ABCA13: variants seen among roughly 807,000 people sequenced by gnomAD.
ABCA13 encodes ATP-binding cassette sub-family A member 13.
In ABCA13, 476 loss-of-function variants were observed where a neutral mutation model predicts 478.7. The observed-to-expected ratio is 0.99, with a 90% CI of 0.92 to 1.07. The LOEUF (loss-of-function observed/expected upper bound fraction) is 1.07. ABCA13 is among the 50% of genes least tolerant of loss of function. The probability of loss-of-function intolerance (pLI) is 0.00; values close to 1 mark genes in which losing one functional copy is unlikely to be tolerated. For synonymous variants in ABCA13, 2,252 were observed against 2,158.9 expected, an observed-to-expected ratio of 1.04 and a Z score of -1.20; for missense variants, 6,060 against 5,910.6, an observed-to-expected ratio of 1.03 and a Z score of -0.83.
rs78760748 is a variant in ABCA13 at position 48,618,940 on chromosome 7, C to T, written c.14837+3563C>T. Among the ~76,000 whole-genome samples, 1,449 of 152,278 alleles carry T rather than the reference C, an allele frequency of 9.5e-3. 18 individuals are homozygous for T. The highest frequency in any genetic ancestry group is 0.034 in the African/African-American group (1,399 of 41,552). ...CAGAGTCAGCAAGTCCCCACTTTTT[C>T]AAAGTATTAGAATACAGAAGATAAT... On this transcript the variant is annotated intron_variant, in intron 59 of 61. Coordinates refer to ENST00000435803, the MANE Select transcript of ABCA13 (RefSeq NM_152701.5).
At position 48,350,586 on chromosome 7, in the gene ABCA13, G is replaced by T. The variant is rs1354849354; in HGVS notation, c.10205-57G>T. On this transcript the variant is annotated intron_variant, in intron 29 of 61. Transcript: ENST00000435803. ...TTTGCACAATCTCCACTATATGAGTGGTAAGCACTGGGGGGATACAGAAGT... is the reference window on the plus strand; with the variant it reads ...TTTGCACAATCTCCACTATATGAGTTGTAAGCACTGGGGGGATACAGAAGT... 4 of 1,455,014 alleles carry T rather than the reference G, an allele frequency of 2.7e-6. No homozygotes were observed. In the African/African-American group the frequency reaches 5.7e-5, roughly 21 times the overall value. 90.1% of individuals were successfully genotyped at this position (1,455,014 alleles called of 1,614,324 possible).
At chr7:48,558,161 C>G (rs1330102238) in intron 55 of ABCA13, among the ~76,000 whole-genome samples, 2 of 126,948 alleles carry the variant, frequency 1.6e-5, no homozygotes, top group Non-Finnish European at 3.3e-5. Flanking sequence ...ATCCCTCCCT[C>G]CCTCCCTCCC....
At chr7:48,184,646 C>G (rs1434394674) in intron 1 of ABCA13, among the ~76,000 whole-genome samples, 1 of 151,856 alleles carries the variant, frequency 6.6e-6, no homozygotes, top group African/African-American at 2.4e-5. Flanking sequence ...ATGGTGAAAC[C>G]CTATCTCTAC....
At chr7:48,293,483 C>T (rs971620158) in intron 20 of ABCA13, among the ~76,000 whole-genome samples, 1 of 152,140 alleles carries the variant, frequency 6.6e-6, no homozygotes, top group Admixed American at 6.5e-5. Flanking sequence ...CAACCTGGAA[C>T]TATGCTTCCA....
At chr7:48,417,558 G>C (rs1820190440) in intron 41 of ABCA13, among the ~76,000 whole-genome samples, 1 of 152,060 alleles carries the variant, frequency 6.6e-6, no homozygotes, top group Non-Finnish European at 1.5e-5. Flanking sequence ...TAGATTCTCA[G>C]CAAAATTGAG....
intron 55 of ABCA13, among the ~76,000 whole-genome samples, chr7:48,544,819 G>C (rs1229722413): frequency 1.3e-5 from 2 of 151,886 alleles, no homozygotes; most frequent in African/African-American, 4.8e-5. Context: ...ACAACCTGAG[G>C]CTTGTGACTG....
intron 9 of ABCA13, 39 bp from the exon 10 acceptor site, chr7:48,240,828 C>T: frequency 7.0e-7 from 1 of 1,434,200 alleles, no homozygotes; most frequent in South Asian, 1.8e-5. Flanking sequence ...TTCCAATTTG[C>T]TATTATTAAT....
At chr7:48,522,181 AG>A (rs1451886263) in intron 53 of ABCA13, among the ~76,000 whole-genome samples, 10 of 152,162 alleles carry the variant, frequency 6.6e-5, no homozygotes, top group African/African-American at 2.2e-4. Flanking sequence ...GCAAGAAAAT[AG>A]GGAGACCCTG....
chr7:48,172,538 G>A (rs1324360782), intron 1 of ABCA13, among the ~76,000 whole-genome samples: 1 of 152,130 alleles, frequency 6.6e-6, no homozygotes, highest in African/African-American at 2.4e-5. Context: ...GCTCACGCCT[G>A]TAATCCCAGC....
At chr7:48,587,435 A>G in intron 57 of ABCA13, 147 bp downstream of exon 57, 1 of 865,704 alleles carries the variant, frequency 1.2e-6, no homozygotes, top group Non-Finnish European at 1.6e-6. Context: ...ATAAGCCAGC[A>G]TTTCCCAAAT....
At chr7:48,182,248 C>A (rs186892706) in intron 1 of ABCA13, among the ~76,000 whole-genome samples, 1 of 152,158 alleles carries the variant, frequency 6.6e-6, no homozygotes, top group African/African-American at 2.4e-5. Context: ...TCTATCGATA[C>A]CCTAACGATT....
chr7:48,305,912 G>A lies in ABCA13; in HGVS notation c.9322-4035G>A, dbSNP rs2128869848. 2.0e-5 allele frequency among the ~76,000 whole-genome samples: 3 copies of A among 152,288 alleles called. No individual in the cohort carries two copies. The South Asian group carries it at 6.2e-4, about 32-fold the overall frequency. On this transcript the variant is annotated intron_variant, in intron 23 of 61. Coordinates refer to ENST00000435803, the MANE Select transcript of ABCA13 (RefSeq NM_152701.5). Reference sequence around the variant, plus strand: ...AAAATCAGCAGGAACTTGGCATTCTGTTTCTGATAATTTGCAGCATTAGCC... The same window carrying A: ...AAAATCAGCAGGAACTTGGCATTCTATTTCTGATAATTTGCAGCATTAGCC...
intron 43 of ABCA13, among the ~76,000 whole-genome samples, chr7:48,462,060 C>A (rs1360592797): frequency 1.3e-5 from 2 of 149,896 alleles, no homozygotes; most frequent in Non-Finnish European, 3.0e-5. Flanking sequence ...AAGGCTATGC[C>A]CCCTAAATTG....
intron 42 of ABCA13, among the ~76,000 whole-genome samples, chr7:48,434,811 C>A (rs944456309): frequency 6.6e-6 from 1 of 151,750 alleles, no homozygotes. Flanking sequence ...AACCAATTGA[C>A]CATATATGTG....
chr7:48,477,059 A>G (rs989716191), intron 45 of ABCA13, among the ~76,000 whole-genome samples: 1 of 152,224 alleles, frequency 6.6e-6, no homozygotes, highest in African/African-American at 2.4e-5. Context: ...CTGTAACTTA[A>G]TAACATCGTC....
intron 1 of ABCA13, among the ~76,000 whole-genome samples, chr7:48,190,100 T>G (rs1001381851): frequency 3.9e-5 from 6 of 152,200 alleles, no homozygotes; most frequent in Non-Finnish European, 7.4e-5. Context: ...TAGGTGCTAT[T>G]GAGAGTGCAA....
At chr7:48,372,852 C>T (rs866200062) in intron 33 of ABCA13, among the ~76,000 whole-genome samples, 11 of 152,092 alleles carry the variant, frequency 7.2e-5, no homozygotes, top group Non-Finnish European at 4.4e-5. Context: ...AGCATTTTTT[C>T]TTGAAACATT....
intron 51 of ABCA13, among the ~76,000 whole-genome samples, chr7:48,513,155 C>T (rs1315551348): frequency 6.6e-6 from 1 of 152,178 alleles, no homozygotes; most frequent in Non-Finnish European, 1.5e-5. Flanking sequence ...TTGGCTCATG[C>T]CTGCTGTCCT....
At chr7:48,196,104 GC>G (rs1490717150) in intron 2 of ABCA13, among the ~76,000 whole-genome samples, 7 of 152,120 alleles carry the variant, frequency 4.6e-5, no homozygotes, top group African/African-American at 1.4e-4. Context: ...AGTGGCTAAT[GC>G]AAAATTGTGA....
Sources: allele counts gnomAD v4.1 joint callset (sites outside exome capture counted in the v4.1 genomes callset), GRCh38; gene constraint gnomAD v4.1.1; transcripts MANE v1.5; gene names NCBI Gene and HGNC (gene_info 2026-07-23, HGNC 2026-07-21).